The following CD86 variants were observed in gnomAD, a reference collection of about 807,000 sequenced individuals.
CD86 encodes T-lymphocyte activation antigen CD86.
Under a neutral mutation model 32.1 loss-of-function variants are expected in CD86, and 11 were observed. The observed-to-expected ratio is 0.34, with a 90% CI of 0.22 to 0.57. The LOEUF (loss-of-function observed/expected upper bound fraction) is 0.57. Ranked by LOEUF, CD86 falls within the 20% of genes least tolerant of loss-of-function variation. The probability of loss-of-function intolerance (pLI) is 0.86; values close to 1 mark genes in which losing one functional copy is unlikely to be tolerated. For synonymous variants in CD86, 137 were observed against 135.3 expected, an observed-to-expected ratio of 1.01 and a Z score of -0.09; for missense variants, 359 against 398.4, an observed-to-expected ratio of 0.90 and a Z score of 0.84.
At chr3:122,095,008 T>C (rs745904807) in intron 2 of CD86, among the ~76,000 whole-genome samples, 1 of 152,032 alleles carries the variant, frequency 6.6e-6, no homozygotes, top group Non-Finnish European at 1.5e-5. Flanking sequence ...AATCAGTAGC[T>C]CCCACATCAG....
At chr3:122,077,480 T>TG (rs1184494734) in intron 1 of CD86, among the ~76,000 whole-genome samples, 1 of 152,244 alleles carries the variant, frequency 6.6e-6, no homozygotes, top group East Asian at 1.9e-4. Context: ...TGAATGATTT[T>TG]GGGGAAGGGC....
intron 5 of CD86, among the ~76,000 whole-genome samples, chr3:122,117,464 C>T (rs1051968910): frequency 2.0e-5 from 3 of 152,184 alleles, no homozygotes; most frequent in Non-Finnish European, 2.9e-5. Flanking sequence ...TTGGAGTTTA[C>T]GTGGGACAAT....
At chr3:122,105,377 T>A (rs1455751109) in intron 3 of CD86, among the ~76,000 whole-genome samples, 1 of 152,172 alleles carries the variant, frequency 6.6e-6, no homozygotes, top group Non-Finnish European at 1.5e-5. Context: ...AAAGATGACA[T>A]GCAAATGACA....
intron 2 of CD86, among the ~76,000 whole-genome samples, chr3:122,095,031 T>C (rs1210694451): frequency 6.6e-6 from 1 of 152,220 alleles, no homozygotes; most frequent in Non-Finnish European, 1.5e-5. Flanking sequence ...GGAAGTATCT[T>C]TCCAGTTTGA....
At chr3:122,097,886 C>T (rs1403762801) in intron 2 of CD86, among the ~76,000 whole-genome samples, 1 of 151,994 alleles carries the variant, frequency 6.6e-6, no homozygotes, top group African/African-American at 2.4e-5. Context: ...CTGAAGACCT[C>T]ACCCCAGAGC....
chr3:122,107,759 G>A (rs1215654100), intron 4 of CD86, among the ~76,000 whole-genome samples: 1 of 152,128 alleles, frequency 6.6e-6, no homozygotes, highest in African/African-American at 2.4e-5. Context: ...CCAGTGTCTT[G>A]TTGTTCAGAT....
chr3:122,109,557 C>G, intron 5 of CD86, 149 bp downstream of exon 5: 1 of 825,496 alleles, frequency 1.2e-6, no homozygotes, highest in East Asian at 2.5e-5. Context: ...GAGTTTTGAG[C>G]CTATACAGAC....
chr3:122,060,422 C>T (rs1199185131), intron 1 of CD86, among the ~76,000 whole-genome samples: 1 of 152,112 alleles, frequency 6.6e-6, no homozygotes, highest in African/African-American at 2.4e-5. Context: ...AAACTCACCT[C>T]TGCTGTCGGT....
rs767687225 is a variant in CD86, at chr3:122,055,440, G to A, written c.-50G>A. The A allele has an allele frequency of 1.9e-5, 31 of 1,598,948 alleles. No homozygotes were observed. Among genetic ancestry groups the A allele is most frequent in the East Asian group, 2.2e-5 (1 of 44,828 alleles). On this transcript the variant is annotated 5_prime_UTR_variant, in exon 1 of 7. Transcript: ENST00000330540. ...GTAACAGGGACTAGCACAGACACAC[G>A]GATGAGTGGGGTCATTTCCAGATAT...
chr3:122,084,247 A>G (rs2072680800), intron 1 of CD86, among the ~76,000 whole-genome samples: 1 of 152,166 alleles, frequency 6.6e-6, no homozygotes, highest in Admixed American at 6.5e-5. Flanking sequence ...TCGGCCTCCC[A>G]AAGTGCTGGG....
intron 2 of CD86, chr3:122,091,857 TC>T (rs953920794): frequency 3.6e-5 from 20 of 554,954 alleles, no homozygotes; most frequent in Admixed American, 5.9e-5. Flanking sequence ...GATGGAGCTC[TC>T]CCCCCCGTGT....
intron 6 of CD86, 81 bp downstream of exon 6, chr3:122,118,174 C>G: frequency 3.4e-6 from 4 of 1,176,668 alleles, no homozygotes; most frequent in Non-Finnish European, 5.1e-6. Flanking sequence ...TTATGCCTAA[C>G]ATATGTTGAG....
intron 4 of CD86, among the ~76,000 whole-genome samples, chr3:122,107,372 G>A (rs1046756984): frequency 4.6e-5 from 7 of 152,208 alleles, no homozygotes; most frequent in African/African-American, 7.2e-5. Flanking sequence ...CAGGAGGTAT[G>A]TCAAAGAAAG....
At chr3:122,079,921 G>C (rs1378161268) in intron 1 of CD86, among the ~76,000 whole-genome samples, 1 of 152,002 alleles carries the variant, frequency 6.6e-6, no homozygotes, top group East Asian at 1.9e-4. Context: ...AATGCCTAAT[G>C]GCTTAAAAAC....
At chr3:122,102,487 A>T (rs531747732) in intron 2 of CD86, among the ~76,000 whole-genome samples, 59 of 130,442 alleles carry the variant, frequency 4.5e-4, no homozygotes, top group African/African-American at 1.7e-3. Flanking sequence ...AAACCCCGTG[A>T]TCATTCACAT....
At chr3:122,059,459 C>T (rs1413665925) in intron 1 of CD86, among the ~76,000 whole-genome samples, 1 of 151,608 alleles carries the variant, frequency 6.6e-6, no homozygotes, top group Non-Finnish European at 1.5e-5. Context: ...TAGCTTGAAC[C>T]CAGGAGGCAG....
chr3:122,079,682 C>T (rs2072603557), intron 1 of CD86, among the ~76,000 whole-genome samples: 1 of 152,164 alleles, frequency 6.6e-6, no homozygotes, highest in African/African-American at 2.4e-5. Flanking sequence ...AGTGCTGTTT[C>T]CGAACTGTAC....
intron 2 of CD86, among the ~76,000 whole-genome samples, chr3:122,102,953 G>A (rs750341128): frequency 1.4e-5 from 2 of 145,430 alleles, no homozygotes; most frequent in East Asian, 1.9e-4. Flanking sequence ...GTTACTCAAC[G>A]TGATTCCCCA....
intron 1 of CD86, among the ~76,000 whole-genome samples, chr3:122,069,814 A>G (rs1291337542): frequency 1.3e-5 from 2 of 151,800 alleles, no homozygotes; most frequent in Non-Finnish European, 2.9e-5. Context: ...CCTCACTTAG[A>G]CCCTGGGTAT....
Sources: allele counts gnomAD v4.1 joint callset (sites outside exome capture counted in the v4.1 genomes callset), GRCh38; gene constraint gnomAD v4.1.1; transcripts MANE v1.5; gene names NCBI Gene and HGNC (gene_info 2026-07-23, HGNC 2026-07-21).